The following MTUS2 variants were observed in gnomAD, a reference collection of about 807,000 sequenced individuals.
MTUS2 encodes microtubule associated scaffold protein 2.
A neutral mutation model predicts 114.1 loss-of-function variants in MTUS2; 40 were observed. That is an observed-to-expected ratio of 0.35 (90% CI 0.27 to 0.46). The LOEUF (loss-of-function observed/expected upper bound fraction) is 0.46, where lower values mean the gene tolerates loss of function less well. Ranked by LOEUF, MTUS2 falls within the 20% of genes least tolerant of loss-of-function variation. MTUS2 has a pLI of 1.00. For synonymous variants in MTUS2, 688 were observed against 672.0 expected (o/e 1.02, Z -0.37); for missense variants, 1,679 against 1,705.4 (o/e 0.98, Z 0.27).
chr13:29,336,286 CT>C (rs111540264), intron 7 of MTUS2, among the ~76,000 whole-genome samples: 11,482 of 152,154 alleles, frequency 0.075, 1,376 homozygotes, highest in African/African-American at 0.25. Context: ...ATTTATCTAC[CT>C]TTGGTCTTTG....
At position 29,307,606 on chromosome 13, in the gene MTUS2, A is replaced by G. The variant is rs1411679200; in HGVS notation, c.2807-17007A>G. The G allele has an allele frequency of 6.3e-5, 74 of 1,172,648 alleles. No homozygotes were observed. The East Asian group carries it at 1.6e-3, about 25-fold the overall frequency. 72.6% of individuals were successfully genotyped at this position (1,172,648 alleles called of 1,614,324 possible). A position where few individuals can be genotyped will look rare whatever the true frequency, so the allele number is the denominator to read the frequency against. On this transcript the variant is annotated intron_variant, in intron 6 of 15. Coordinates refer to ENST00000612955, the MANE Select transcript of MTUS2 (RefSeq NM_001033602.4). Reference sequence around the variant, plus strand: ...CCCCCTCAAGGGCATCCTGGGCTACACTGAGTACCAGCTTGTCTCCTCTGA... The same window carrying G: ...CCCCCTCAAGGGCATCCTGGGCTACGCTGAGTACCAGCTTGTCTCCTCTGA...
At chr13:29,201,664 A>T (rs775016325) in intron 5 of MTUS2, among the ~76,000 whole-genome samples, 1 of 152,044 alleles carries the variant, frequency 6.6e-6, no homozygotes, top group Non-Finnish European at 1.5e-5. Flanking sequence ...TCCATGTTTA[A>T]TGCTTCCTTC....
At chr13:29,124,487 C>G (rs1891435091) in intron 5 of MTUS2, among the ~76,000 whole-genome samples, 1 of 151,932 alleles carries the variant, frequency 6.6e-6, no homozygotes, top group African/African-American at 2.4e-5. Flanking sequence ...GCCGATTGGA[C>G]TAGAATGGTG....
intron 8 of MTUS2, among the ~76,000 whole-genome samples, chr13:29,371,226 C>T (rs950714146): frequency 1.3e-5 from 2 of 149,164 alleles, no homozygotes; most frequent in African/African-American, 2.5e-5. Flanking sequence ...CCACCCCCCC[C>T]CCCTTTTTTG....
chr13:29,486,824 A>T (rs1352164410), intron 10 of MTUS2, among the ~76,000 whole-genome samples: 1 of 152,178 alleles, frequency 6.6e-6, no homozygotes, highest in Non-Finnish European at 1.5e-5. Context: ...TTTACAGTGG[A>T]TCACTGACAG....
chr13:29,051,055 G>A (rs1418872750), intron 4 of MTUS2, among the ~76,000 whole-genome samples: 3 of 152,202 alleles, frequency 2.0e-5, no homozygotes, highest in Admixed American at 2.0e-4. Context: ...TCTGATTTAT[G>A]TTTTTACAAA....
At chr13:29,167,083 A>G (rs1222829034) in intron 5 of MTUS2, among the ~76,000 whole-genome samples, 1 of 152,196 alleles carries the variant, frequency 6.6e-6, no homozygotes, top group Non-Finnish European at 1.5e-5. Context: ...TTAAAAAATG[A>G]AGGATTTCTG....
At chr13:29,407,447 C>CTTATTTATTTATTTAT (rs199911224) in intron 8 of MTUS2, among the ~76,000 whole-genome samples, 3 of 139,342 alleles carry the variant, frequency 2.2e-5, no homozygotes, top group Non-Finnish European at 4.6e-5. Flanking sequence ...AGTGATTGTA[C>CTTATTTATTTATTTAT]TTATTTATTT....
chr13:28,996,635 A>G (rs1195370348), intron 2 of MTUS2, among the ~76,000 whole-genome samples: 1 of 152,122 alleles, frequency 6.6e-6, no homozygotes. Context: ...GGGAGGGTGT[A>G]TGTGTCAAGG....
At chr13:28,859,368 A>T (rs1876831974) in intron 2 of MTUS2, among the ~76,000 whole-genome samples, 1 of 152,182 alleles carries the variant, frequency 6.6e-6, no homozygotes, top group South Asian at 2.1e-4. Flanking sequence ...TGAACAAAAG[A>T]ACTTTGGGGA....
At chr13:28,994,929 T>G (rs1421286845) in intron 2 of MTUS2, among the ~76,000 whole-genome samples, 2 of 152,120 alleles carry the variant, frequency 1.3e-5, no homozygotes, top group African/African-American at 4.8e-5. Flanking sequence ...GTCAATTTTG[T>G]CTTTTGTTGC....
In MTUS2 at chr13:29,439,250, A is replaced by G. The variant is rs1199427623; in HGVS notation, c.3118-733A>G. Among the ~76,000 whole-genome samples, 6 of 152,300 alleles carry G rather than the reference A, an allele frequency of 3.9e-5. No individual in the cohort carries two copies. The East Asian group carries it at 5.8e-4, about 15-fold the overall frequency. Reference sequence around the variant, plus strand: ...ATAATATGCTGTTTATAGTGACTCAATAACGCAGATTACAAATTCAGCACA... The same window carrying G: ...ATAATATGCTGTTTATAGTGACTCAGTAACGCAGATTACAAATTCAGCACA... On this transcript the variant is annotated intron_variant, in intron 8 of 15. Coordinates refer to ENST00000612955, the MANE Select transcript of MTUS2 (RefSeq NM_001033602.4).
chr13:28,856,854 A>G (rs1014940098), intron 2 of MTUS2, among the ~76,000 whole-genome samples: 2 of 152,234 alleles, frequency 1.3e-5, no homozygotes, highest in Admixed American at 6.5e-5. Flanking sequence ...GTTAAGTTGC[A>G]GTATATCCGT....
chr13:28,911,983 C>T, intron 2 of MTUS2, among the ~76,000 whole-genome samples: 1 of 151,048 alleles, frequency 6.6e-6, no homozygotes, highest in East Asian at 2.0e-4. Flanking sequence ...GTTTCTTTTG[C>T]TCTGCAGAAG....
intron 9 of MTUS2, among the ~76,000 whole-genome samples, chr13:29,459,667 C>T (rs191054513): frequency 6.1e-4 from 93 of 152,290 alleles, no homozygotes; most frequent in Non-Finnish European, 5.9e-5. Flanking sequence ...CTTTTTATTG[C>T]ATTCACTTTC....
chr13:29,025,413 A>G lies in MTUS2; in HGVS notation c.715A>G (p.Lys239Glu), dbSNP rs1731049667. ...FPATDSTSEG[K>E]SVRHPKPSTS... is the part of the protein sequence containing the mutation. Reference sequence around the variant, plus strand: ...TGCAACTGACAGTACCTCAGAGGGAAAGAGTGTGCGTCATCCTAAACCATC... The same window carrying G: ...TGCAACTGACAGTACCTCAGAGGGAGAGAGTGTGCGTCATCCTAAACCATC... The change falls in exon 3 of 16, where the codon AAG (lysine) becomes GAG (glutamate). Residue 239 changes from lysine to glutamate, a missense_variant. By Grantham distance (56) the Lys-to-Glu change is moderately conservative. Transcript: ENST00000612955. The G allele has an allele frequency of 2.5e-6, 4 of 1,613,670 alleles. No individual in the cohort carries two copies. In the African/African-American group the frequency reaches 5.3e-5, roughly 22 times the overall value.
rs192431171 is a variant in MTUS2, at chr13:29,169,730, C to T, written c.2644+68760C>T. On this transcript the variant is annotated intron_variant, in intron 5 of 15. Coordinates refer to ENST00000612955, the MANE Select transcript of MTUS2 (RefSeq NM_001033602.4). ...TCTTATCCTGCTGAACTTTGATGAG[C>T]GCTTAAGGATTTTTCCAGCCAGTTC... Among the ~76,000 whole-genome samples, 35 of 152,182 alleles carry T rather than the reference C, an allele frequency of 2.3e-4. 1 individual carries two copies. The highest frequency in any genetic ancestry group is 8.2e-4 in the African/African-American group (34 of 41,526).
At chr13:29,272,138 A>G (rs1441375234) in intron 5 of MTUS2, among the ~76,000 whole-genome samples, 1 of 152,144 alleles carries the variant, frequency 6.6e-6, no homozygotes, top group Non-Finnish European at 1.5e-5. Context: ...GAAAATATAC[A>G]CTTCGGTTAA....
intron 2 of MTUS2, among the ~76,000 whole-genome samples, chr13:28,892,025 G>C (rs1313328986): frequency 6.6e-6 from 1 of 151,912 alleles, no homozygotes; most frequent in African/African-American, 2.4e-5. Flanking sequence ...CCCTTCACCA[G>C]CCTGGCTCTA....
Sources: allele counts gnomAD v4.1 joint callset (sites outside exome capture counted in the v4.1 genomes callset), GRCh38; gene constraint gnomAD v4.1.1; transcripts MANE v1.5; gene names NCBI Gene and HGNC (gene_info 2026-07-23, HGNC 2026-07-21).